TLN1: variants seen among roughly 807,000 people sequenced by gnomAD.
TLN1 encodes talin 1.
TLN1 carries 56 observed loss-of-function variants against 292.3 expected under a neutral mutation model. The observed-to-expected ratio is 0.19, with a 90% CI of 0.15 to 0.24. The LOEUF is 0.24. TLN1 is among the 10% of genes least tolerant of loss of function. The probability of loss-of-function intolerance (pLI) is 1.00; values close to 1 mark genes in which losing one functional copy is unlikely to be tolerated. For synonymous variants in TLN1, 1,119 were observed against 1,253.7 expected, an observed-to-expected ratio of 0.89 and a Z score of 2.27; for missense variants, 2,433 against 3,248.2, an observed-to-expected ratio of 0.75 and a Z score of 6.10.
intron 48 of TLN1, among the ~76,000 whole-genome samples, chr9:35,703,343 T>A (rs1825500166): frequency 1.3e-5 from 2 of 151,798 alleles, no homozygotes; most frequent in African/African-American, 4.8e-5. Flanking sequence ...AATGGAAAGG[T>A]CACCCACACC....
chr9:35,711,807 G>A lies in TLN1; in HGVS notation c.3682-15C>T, dbSNP rs1175943762. 1.2e-6 allele frequency: 2 copies of A among 1,613,816 alleles called. No homozygotes were observed. Among genetic ancestry groups the A allele is most frequent in the Non-Finnish European group, 1.7e-6 (2 of 1,179,980 alleles). ...CTAGGAGGAAGCTGCAAGGTGAGAG[G>A]GGAAGTCAGACAGAAGAGTGGGGAA... On this transcript the variant is annotated splice_polypyrimidine_tract_variant and intron_variant, in intron 28 of 56. Coordinates refer to ENST00000314888, the MANE Select transcript of TLN1 (RefSeq NM_006289.4).
At position 35,700,046 on chromosome 9, in the gene TLN1, C is replaced by A; in HGVS notation, c.6696G>T (p.Val2232=). The change falls in exon 50 of 57, where the codon GTG becomes GTT. Residue 2232 remains valine, a synonymous_variant. Coordinates refer to ENST00000314888, the MANE Select transcript of TLN1 (RefSeq NM_006289.4). ...AAYHPEVAPD[V]RLRALHYGRE... ...GGCCATAGTGCAGGGCTCGAAGCCG[C>A]ACATCAGGGGCCACTTCTGGGTGGT... The A allele has an allele frequency of 6.2e-7, 1 of 1,613,412 alleles. No homozygotes were observed. Among genetic ancestry groups the A allele is most frequent in the Non-Finnish European group, 8.5e-7 (1 of 1,179,540 alleles).
In TLN1 at chr9:35,700,087, C is replaced by T; in HGVS notation, c.6661-6G>A. The T allele has an allele frequency of 6.2e-7, 1 of 1,608,356 alleles. No individual in the cohort carries two copies. The highest frequency in any genetic ancestry group is 8.5e-7 in the Non-Finnish European group (1 of 1,175,688). On this transcript the variant is annotated splice_region_variant and splice_polypyrimidine_tract_variant and intron_variant, in intron 49 of 56. Transcript: ENST00000314888. ...TCTGGGTGGTAAGCTGCTTCCTGTC[C>T]CCAGAGTAATATGTTAGCTTTAGGC... is the stretch of plus-strand genomic sequence containing the variant.
At chr9:35,701,429 C>G (rs1390755284) in intron 48 of TLN1, among the ~76,000 whole-genome samples, 1 of 152,168 alleles carries the variant, frequency 6.6e-6, no homozygotes, top group East Asian at 1.9e-4. Flanking sequence ...CATGGGCCAC[C>G]TTGCCCAGCT....
Position 35,707,698 on chromosome 9 carries a change from C to T in TLN1, c.4632+33G>A. ...ACTCGGGGGAGAAGATAGGACAGGT[C>T]AGGGAGAGGCTGGGAATTCAAGCAA... On this transcript the variant is annotated intron_variant, in intron 35 of 56. Transcript: ENST00000314888. This position sits in a 1 kb window ranked among gnomAD's most constrained non-coding sequence, Gnocchi z 5.6. 1 of 1,613,622 alleles carries T rather than the reference C, an allele frequency of 6.2e-7. No individual in the cohort carries two copies. Among genetic ancestry groups the T allele is most frequent in the South Asian group, 1.1e-5 (1 of 90,956 alleles).
At chr9:35,700,474 A>G in intron 48 of TLN1, 98 bp from the exon 49 acceptor site, 6 of 1,222,830 alleles carry the variant, frequency 4.9e-6, no homozygotes, top group East Asian at 2.4e-5. Context: ...ACATTCACAC[A>G]TCACAGTGAA....
chr9:35,716,025 T>C (rs562519511), intron 20 of TLN1, among the ~76,000 whole-genome samples: 16 of 152,200 alleles, frequency 1.1e-4, no homozygotes, highest in African/African-American at 3.9e-4. Flanking sequence ...GAAATGTCAC[T>C]ATGTACCTCA....
chr9:35,721,539 T>C, intron 10 of TLN1, 109 bp downstream of exon 10: 1 of 1,260,024 alleles, frequency 7.9e-7, no homozygotes, highest in Non-Finnish European at 1.1e-6. Context: ...CCTCCTTTTT[T>C]TCTGGAGTAA....
chr9:35,730,311 G>T (rs2131915882), intron 1 of TLN1, among the ~76,000 whole-genome samples: 1 of 152,220 alleles, frequency 6.6e-6, no homozygotes, highest in Admixed American at 6.5e-5. Context: ...ATAGTGCTGT[G>T]GTCAGTGGCA....
Position 35,722,866 on chromosome 9 carries a change from A to G in TLN1, c.838T>C (p.Phe280Leu), listed in dbSNP as rs371166073. Reference protein sequence around the residue: ...YVKQKGERKIFQAHKNCGQMS... With the variant: ...YVKQKGERKILQAHKNCGQMS... ...TTTCCCCTACCCACATTCACCTGGA[A>G]GATCTTACGCTCTCCCTTCTGCTTC... The change falls in exon 8 of 57, where the codon TTC becomes CTC. Residue 280 changes from phenylalanine to leucine, a missense_variant. By Grantham distance (22) the Phe-to-Leu change is conservative. Transcript: ENST00000314888. The G allele has an allele frequency of 3.7e-6, 6 of 1,613,830 alleles. No individual in the cohort carries two copies. The highest frequency in any genetic ancestry group is 1.3e-5 in the African/African-American group (1 of 74,916).
Position 35,712,883 on chromosome 9 carries a change from C to G in TLN1, c.3513G>C (p.Lys1171Asn). ...KASSLIEEAK[K>N]AAGHPGDPES... The stretch of plus-strand genomic sequence containing the variant: ...CAGGGTCCCCTGGATGGCCAGCTGC[C>G]TTTTTCGCCTCCTCAATGAGGCTGC... The change falls in exon 27 of 57, where the codon AAG becomes AAC. Residue 1171 changes from lysine (K) to asparagine (N), a missense_variant. Transcript: ENST00000314888. The G allele has an allele frequency of 1.3e-6, 2 of 1,598,766 alleles. No homozygotes were observed. The highest frequency in any genetic ancestry group is 1.7e-6 in the Non-Finnish European group (2 of 1,172,092).
intron 1 of TLN1, among the ~76,000 whole-genome samples, chr9:35,726,968 GCT>G (rs919103989): frequency 2.6e-5 from 4 of 152,172 alleles, no homozygotes; most frequent in African/African-American, 7.2e-5. Flanking sequence ...CTCGAATTCT[GCT>G]CTGTCTCACC....
In TLN1 at chr9:35,722,215, C is replaced by G. The variant is rs751516819; in HGVS notation, c.852G>C (p.Lys284Asn). Residue 284 changes from lysine (K) to asparagine (N), a missense_variant, in exon 9 of 57, where the codon AAG (lysine) becomes AAC (asparagine). By Grantham distance (94) the Lys-to-Asn change is moderately conservative (BLOSUM62 0). Transcript: ENST00000314888. The part of the protein sequence containing the change: ...KGERKIFQAH[K>N]NCGQMSEIEA... ...CAATCTCACTCATCTGCCCACAATTCTTGTGTGCCTGTGCATAAAATGGGG... is the reference window on the plus strand; with the variant it reads ...CAATCTCACTCATCTGCCCACAATTGTTGTGTGCCTGTGCATAAAATGGGG... The G allele has an allele frequency of 6.2e-7, 1 of 1,614,016 alleles. No homozygotes were observed.
rs973421674 is a variant in TLN1 at position 35,716,480 on chromosome 9, C to T, written c.2535G>A (p.Glu845=). The change falls in exon 20 of 57, where the codon GAG becomes GAA. Residue 845 remains glutamate, a synonymous_variant. Coordinates refer to ENST00000314888, the MANE Select transcript of TLN1 (RefSeq NM_006289.4). ...GGGAGTTCTCCAGATCACTTTCCCC[C>T]TCAGCATCAGCCTTGATGGCATTGA... ...DLVNAIKADA[E]GESDLENSRK... is the part of the protein sequence containing the mutation. The T allele has an allele frequency of 1.2e-6, 2 of 1,614,122 alleles. No homozygotes were observed. The highest frequency in any genetic ancestry group is 1.7e-6 in the Non-Finnish European group (2 of 1,180,056).
rs373973771 is a variant in TLN1 at position 35,703,631 on chromosome 9, C to T, written c.6403G>A (p.Val2135Met). The T allele has an allele frequency of 4.3e-6, 7 of 1,614,176 alleles. No homozygotes were observed. The highest frequency in any genetic ancestry group is 1.1e-5 in the South Asian group (1 of 91,080). Reference protein sequence around the residue: ...VTSLLKTVKAVEDEATKGTRA... With the variant: ...VTSLLKTVKAMEDEATKGTRA... ...GTGCCTTTGGTGGCCTCATCTTCCA[C>T]GGCTTTTACTGTCTTAAGCAATGAT... The change falls in exon 48 of 57, where the codon GTG becomes ATG. Residue 2135 changes from valine (V) to methionine (M), a missense_variant. Val to Met is a conservative substitution (Grantham distance 21, BLOSUM62 1). Coordinates refer to ENST00000314888, the MANE Select transcript of TLN1 (RefSeq NM_006289.4).
intron 8 of TLN1, 73 bp downstream of exon 8, chr9:35,722,788 G>A: frequency 1.3e-6 from 2 of 1,491,138 alleles, no homozygotes; most frequent in Non-Finnish European, 1.9e-6. Context: ...GGAGGCAGGG[G>A]GCCATTTAGT....
At position 35,707,446 on chromosome 9, in the gene TLN1, G is replaced by C. The variant is rs544122167; in HGVS notation, c.4675C>G (p.Arg1559Gly). 1.4e-5 allele frequency: 22 copies of C among 1,614,050 alleles called. No individual in the cohort carries two copies. The highest frequency in any genetic ancestry group is 1.9e-5 in the Non-Finnish European group (22 of 1,180,040). The change falls in exon 36 of 57, where the codon CGA becomes GGA. Residue 1559 changes from arginine to glycine, a missense_variant. Arg to Gly is a moderately radical substitution (Grantham distance 125, BLOSUM62 -2). This residue lies in a region of TLN1 where 1,384 missense variants were observed against 1,699.6 expected (regional missense o/e 0.81). Coordinates refer to ENST00000314888, the MANE Select transcript of TLN1 (RefSeq NM_006289.4). This position sits in a 1 kb window ranked among gnomAD's most constrained non-coding sequence, Gnocchi z 5.6. ...TCCAGCAGAGGGGCTGTTGCTGCTC[G>C]GCACTGGGCACGGTTCTCCTCTGTG... Reference protein sequence around the residue: ...AFTEENRAQCRAATAPLLEAV... With the variant: ...AFTEENRAQCGAATAPLLEAV...
At position 35,712,701 on chromosome 9, in the gene TLN1, G is replaced by A. The variant is rs1825696954; in HGVS notation, c.3561+134C>T. 8.6e-6 allele frequency: 6 copies of A among 694,128 alleles called. No homozygotes were observed. The Admixed American group carries it at 1.5e-4, about 17-fold the overall frequency. 43.0% of individuals were successfully genotyped at this position (694,128 alleles called of 1,614,324 possible). ...AGAACATAAGGGTGGAATCCACAGA[G>A]GGGCTGTCAAGAGCAGACCCAAGAA... On this transcript the variant is annotated intron_variant, in intron 27 of 56. Transcript: ENST00000314888.
intron 43 of TLN1, 28 bp downstream of exon 43, chr9:35,705,523 G>A: frequency 6.5e-7 from 1 of 1,549,578 alleles, no homozygotes; most frequent in African/African-American, 1.4e-5. Context: ...AGGGGCAGGG[G>A]GCAGGGCAGA....
Sources: allele counts gnomAD v4.1 joint callset (sites outside exome capture counted in the v4.1 genomes callset), GRCh38; gene constraint gnomAD v4.1.1; regional missense constraint gnomAD v4.1.1; non-coding constraint Gnocchi (gnomAD v3.1); transcripts MANE v1.5; gene names NCBI Gene and HGNC (gene_info 2026-07-23, HGNC 2026-07-21).